CREB5: variants seen among roughly 807,000 people sequenced by gnomAD.
CREB5 encodes the protein cAMP responsive element binding protein 5.
In CREB5, 19 loss-of-function variants were observed where a neutral mutation model predicts 57.1. The ratio of observed to expected loss-of-function variants is 0.33; its 90% CI spans 0.23 to 0.49. The LOEUF (loss-of-function observed/expected upper bound fraction) is 0.49, where lower values mean the gene tolerates loss of function less well. Among genes scored for constraint, CREB5 ranks in the 20% least tolerant of loss-of-function variants. The pLI is 0.99. For synonymous variants in CREB5, 238 were observed against 238.3 expected (o/e 1.00, Z 0.01); for missense variants, 579 against 671.6 (o/e 0.86, Z 1.52).
intron 1 of CREB5, among the ~76,000 whole-genome samples, chr7:28,395,496 T>C (rs917697059): frequency 6.6e-6 from 1 of 152,208 alleles, no homozygotes; most frequent in African/African-American, 2.4e-5. Flanking sequence ...TTAGTGCATG[T>C]CAGGACAGGG....
chr7:28,531,021 A>G (rs771694012), intron 4 of CREB5, among the ~76,000 whole-genome samples: 4 of 152,166 alleles, frequency 2.6e-5, no homozygotes, highest in Non-Finnish European at 5.9e-5. Flanking sequence ...TTACTGGGGA[A>G]TGTGCTTTTT....
At chr7:28,307,916 C>T (rs1308294530) in intron 1 of CREB5, among the ~76,000 whole-genome samples, 3 of 152,202 alleles carry the variant, frequency 2.0e-5, no homozygotes, top group Non-Finnish European at 4.4e-5. Flanking sequence ...TTTCCTTAAA[C>T]GGAGCCCCTA....
chr7:28,545,674 A>C (rs1411261834), intron 4 of CREB5, among the ~76,000 whole-genome samples: 2 of 152,202 alleles, frequency 1.3e-5, no homozygotes, highest in East Asian at 3.8e-4. Context: ...GAGTTGAATT[A>C]ATTAACACTA....
chr7:28,406,433 G>A (rs1055327489), intron 1 of CREB5, among the ~76,000 whole-genome samples: 1 of 152,208 alleles, frequency 6.6e-6, no homozygotes, highest in African/African-American at 2.4e-5. Context: ...TGGTACCTCG[G>A]GGGTTGGCTG....
chr7:28,705,083 G>A (rs992767877), intron 5 of CREB5, among the ~76,000 whole-genome samples: 2 of 152,106 alleles, frequency 1.3e-5, no homozygotes, highest in African/African-American at 2.4e-5. Context: ...CCAAGCTATC[G>A]GCTGGGCATG....
At chr7:28,645,960 C>T (rs977338761) in intron 5 of CREB5, among the ~76,000 whole-genome samples, 1 of 152,158 alleles carries the variant, frequency 6.6e-6, no homozygotes, top group Admixed American at 6.5e-5. Flanking sequence ...AGCTGAGGCA[C>T]CCATCTTCTC....
chr7:28,789,366 T>G (rs924924902), intron 7 of CREB5, among the ~76,000 whole-genome samples: 7 of 152,156 alleles, frequency 4.6e-5, no homozygotes, highest in African/African-American at 1.7e-4. Flanking sequence ...TATTTGTCAT[T>G]TAGGAGGAAA....
Position 28,822,756 on chromosome 7 carries a change from A to G in CREB5, c.*3477A>G, listed in dbSNP as rs1308543059. On this transcript the variant is annotated 3_prime_UTR_variant, in exon 11 of 11. Transcript: ENST00000357727. ...TTGTTTCTCCTTGACACATTTCTCA[A>G]TCCACGAAGCCAGGAGAGGTAGAGT... 1 of 152,506 alleles carries G rather than the reference A, an allele frequency of 6.6e-6. No homozygotes were observed. The highest frequency in any genetic ancestry group is 1.9e-4 in the East Asian group (1 of 5,196). 9.4% of individuals were successfully genotyped at this position (152,506 alleles called of 1,614,324 possible). A position where few individuals can be genotyped will look rare whatever the true frequency, so the allele number is the denominator to read the frequency against.
intron 4 of CREB5, among the ~76,000 whole-genome samples, chr7:28,516,131 TTGAGC>T (rs1415988392): frequency 4.6e-5 from 7 of 152,068 alleles, no homozygotes; most frequent in Non-Finnish European, 1.5e-5. Context: ...GGAGGGTTGC[TTGAGC>T]CCAGGTGTTC....
chr7:28,625,947 A>G (rs1357747986), intron 5 of CREB5, among the ~76,000 whole-genome samples: 1 of 152,188 alleles, frequency 6.6e-6, no homozygotes, highest in Non-Finnish European at 1.5e-5. Flanking sequence ...AAAGGTATCT[A>G]AGTTGTCATT....
At chr7:28,772,595 G>A (rs576352157) in intron 7 of CREB5, among the ~76,000 whole-genome samples, 1 of 152,234 alleles carries the variant, frequency 6.6e-6, no homozygotes, top group South Asian at 2.1e-4. Context: ...TGTAACAAAG[G>A]AAACACAGGA....
chr7:28,818,164 T>C lies in CREB5; in HGVS notation c.1348T>C (p.Ser450Pro), dbSNP rs766519556. Reference sequence around the variant, plus strand: ...CCCAATAACAGCCATGCAGAAAGAATCACAAGGATATCTAAGTAAGTCGCC... The same window carrying C: ...CCCAATAACAGCCATGCAGAAAGAACCACAAGGATATCTAAGTAAGTCGCC... ...DCPITAMQKE[S>P]QGYLSPESSP... The change falls in exon 10 of 11, where the codon TCA (serine) becomes CCA (proline). Residue 450 changes from serine to proline, a missense_variant. By Grantham distance (74) the Ser-to-Pro change is moderately conservative. Transcript: ENST00000357727. 2.5e-6 allele frequency: 4 copies of C among 1,611,880 alleles called. No individual in the cohort carries two copies. In the African/African-American group the frequency reaches 5.3e-5, roughly 22 times the overall value.
chr7:28,445,777 T>C (rs1562721246), intron 1 of CREB5, among the ~76,000 whole-genome samples: 1 of 151,706 alleles, frequency 6.6e-6, no homozygotes, highest in Admixed American at 6.6e-5. Context: ...GATCTCGATC[T>C]TCTGACCTCA....
chr7:28,395,583 A>G (rs1002765791), intron 1 of CREB5, among the ~76,000 whole-genome samples: 6 of 152,080 alleles, frequency 3.9e-5, no homozygotes, highest in African/African-American at 1.4e-4. Flanking sequence ...TCTGACTTGC[A>G]CTATTCTCCA....
At chr7:28,720,887 T>TA (rs1020944569) in intron 6 of CREB5, among the ~76,000 whole-genome samples, 27 of 151,938 alleles carry the variant, frequency 1.8e-4, no homozygotes, top group African/African-American at 5.1e-4. Context: ...AGAGACTTTT[T>TA]AAAAAAAAAT....
chr7:28,809,235 C>T lies in CREB5; in HGVS notation c.1075C>T (p.Pro359Ser). The change falls in exon 9 of 11, where the codon CCC (proline) becomes TCC (serine). Residue 359 changes from proline to serine, a missense_variant. Pro to Ser is a moderately conservative substitution (Grantham distance 74, BLOSUM62 -1). This residue lies in a region of CREB5 where 459 missense variants were observed against 515.7 expected (regional missense o/e 0.89). Coordinates refer to ENST00000357727, the MANE Select transcript of CREB5 (RefSeq NM_182898.4). ...GCAGCCAACCCAGACAATACAGCCA[C>T]CCCAGCCCACAGGGGGGCGCCGGCG... ...QMQPTQTIQP[P>S]QPTGGRRRRV... The T allele has an allele frequency of 6.2e-7, 1 of 1,614,104 alleles. No individual in the cohort carries two copies. Among genetic ancestry groups the T allele is most frequent in the Non-Finnish European group, 8.5e-7 (1 of 1,179,996 alleles).
intron 4 of CREB5, 152 bp downstream of exon 4, chr7:28,507,889 T>A: frequency 1.0e-6 from 1 of 983,734 alleles, no homozygotes; most frequent in Non-Finnish European, 1.4e-6. Flanking sequence ...AAAAGATTAC[T>A]CCTTGATTAT....
intron 5 of CREB5, among the ~76,000 whole-genome samples, chr7:28,578,699 G>A (rs1795996629): frequency 6.6e-6 from 1 of 152,186 alleles, no homozygotes; most frequent in Admixed American, 6.5e-5. Context: ...TTTGGAGATA[G>A]CCTATGATGC....
intron 5 of CREB5, among the ~76,000 whole-genome samples, chr7:28,640,946 C>A (rs1272247709): frequency 1.3e-5 from 2 of 152,162 alleles, no homozygotes; most frequent in Non-Finnish European, 2.9e-5. Flanking sequence ...TATTGTCAAG[C>A]ACATTTAACT....
Sources: gnomAD v4.1 joint callset for allele counts (sites outside exome capture counted in the v4.1 genomes callset) on GRCh38, gnomAD v4.1.1 for gene constraint, gnomAD v4.1.1 regional missense constraint, MANE v1.5 for transcripts, NCBI Gene and HGNC (gene_info 2026-07-23, HGNC 2026-07-21) for gene names.